Variants in CFAP100 observed in about 807,000 individuals in gnomAD.
The protein encoded by CFAP100 is cilia- and flagella-associated protein 100.
Under a neutral mutation model 81.5 loss-of-function variants are expected in CFAP100, and 70 were observed. The observed-to-expected ratio is 0.86, with a 90% CI of 0.71 to 1.05. CFAP100 has a LOEUF of 1.05. CFAP100 is among the 50% of genes least tolerant of loss of function. The pLI, the probability that CFAP100 is intolerant of heterozygous loss-of-function variation, is 0.00. For missense variants in CFAP100, 811 were observed against 776.5 expected (o/e 1.04, Z -0.53); for synonymous variants, 341 against 314.8 (o/e 1.08, Z -0.88).
intron 5 of CFAP100, chr3:126,418,234 C>T (rs2083272567): frequency 1.8e-5 from 10 of 564,130 alleles, no homozygotes; most frequent in East Asian, 3.0e-5. Flanking sequence ...GGACTTCCCA[C>T]GCGGCCGGAC....
intron 14 of CFAP100, chr3:126,433,827 T>C (rs558304145): frequency 3.4e-5 from 8 of 237,882 alleles, no homozygotes; most frequent in East Asian, 1.0e-4. Flanking sequence ...GGGGCTGTTA[T>C]CTGTTTTCTA....
At chr3:126,399,066 G>A (rs989039949) in intron 2 of CFAP100, among the ~76,000 whole-genome samples, 2 of 152,128 alleles carry the variant, frequency 1.3e-5, no homozygotes, top group Non-Finnish European at 2.9e-5. Flanking sequence ...ACACCCCACA[G>A]GAGCTCATTT....
chr3:126,412,082 G>A (rs2083166850), intron 3 of CFAP100, among the ~76,000 whole-genome samples: 1 of 152,120 alleles, frequency 6.6e-6, no homozygotes, highest in Non-Finnish European at 1.5e-5. Flanking sequence ...TCTGTGTCCT[G>A]GAGGTTTTGA....
chr3:126,425,682 T>A (rs2083394690), intron 13 of CFAP100, among the ~76,000 whole-genome samples: 1 of 152,158 alleles, frequency 6.6e-6, no homozygotes, highest in South Asian at 2.1e-4. Context: ...TATTAGCAAA[T>A]TGAATCCAAC....
Position 126,419,807 on chromosome 3 carries a change from CA to C in CFAP100, c.903del (p.Asp303ThrfsTer40). The C allele has an allele frequency of 6.2e-7, 1 of 1,613,792 alleles. No individual in the cohort carries two copies. The highest frequency in any genetic ancestry group is 8.5e-7 in the Non-Finnish European group (1 of 1,180,024). On this transcript the variant is annotated frameshift_variant, in exon 9 of 17. Coordinates refer to ENST00000352312, the MANE Select transcript of CFAP100 (RefSeq NM_182628.3). LOFTEE classifies it high-confidence loss of function. ...ASKESSVNST[P>X]GDKGPGIKGK... ...AAAGAGAGCAGTGTTAACTCCACAC[CA>C]GGGGACAAAGGTAGCAGAAAAGAGA...
intron 4 of CFAP100, among the ~76,000 whole-genome samples, chr3:126,415,118 T>G (rs2083213932): frequency 6.6e-6 from 1 of 152,064 alleles, no homozygotes; most frequent in Admixed American, 6.5e-5. Context: ...CGTTCGGTTT[T>G]CCTCTACACT....
At chr3:126,417,927 A>C (rs4544566) in intron 5 of CFAP100, 39,044 of 153,206 alleles carry the variant, frequency 0.25, 5,310 homozygotes, top group African/African-American at 0.36. Flanking sequence ...TTGGCCCCAG[A>C]CTCGCTGTCC....
At chr3:126,413,166 G>A (rs1017856349) in intron 3 of CFAP100, among the ~76,000 whole-genome samples, 4 of 152,142 alleles carry the variant, frequency 2.6e-5, no homozygotes, top group Admixed American at 2.0e-4. Flanking sequence ...GAGGTGAAGC[G>A]GGTGCCTGGC....
At chr3:126,434,567 G>A in intron 15 of CFAP100, 186 bp downstream of exon 15, 1 of 624,334 alleles carries the variant, frequency 1.6e-6, no homozygotes, top group Non-Finnish European at 2.7e-6. Flanking sequence ...GGGGTGGTTA[G>A]GGAAAGCTTC....
rs1457557044 is a variant in CFAP100 at position 126,419,960 on chromosome 3, C to A, written c.914-20C>A. On this transcript the variant is annotated intron_variant, in intron 9 of 16. Transcript: ENST00000352312. ...TGGCTGCAGCTGAGGCCATCGGGGCCCCCCCTTTGCTTCCTGCAGGACCAG... is the reference window on the plus strand; with the variant it reads ...TGGCTGCAGCTGAGGCCATCGGGGCACCCCCTTTGCTTCCTGCAGGACCAG... The A allele has an allele frequency of 1.9e-6, 3 of 1,612,846 alleles. No individual in the cohort carries two copies. The highest frequency in any genetic ancestry group is 1.3e-5 in the African/African-American group (1 of 75,066).
chr3:126,395,056 A>C (rs1230718339), intron 1 of CFAP100, 78 bp downstream of exon 1: 1 of 152,280 alleles, frequency 6.6e-6, no homozygotes, highest in East Asian at 1.9e-4. Context: ...AGGGGTGCGA[A>C]ACCAGGGCCC....
intron 2 of CFAP100, among the ~76,000 whole-genome samples, chr3:126,406,334 T>C (rs2083063316): frequency 6.6e-6 from 1 of 152,128 alleles, no homozygotes; most frequent in Non-Finnish European, 1.5e-5. Flanking sequence ...AGAAACCCTG[T>C]CTTCCCGCTC....
intron 2 of CFAP100, among the ~76,000 whole-genome samples, chr3:126,398,284 G>A (rs1472496838): frequency 2.0e-5 from 3 of 152,196 alleles, no homozygotes; most frequent in Non-Finnish European, 4.4e-5. Context: ...CACTGGGGTC[G>A]CGCGTGGACT....
intron 3 of CFAP100, 72 bp from the exon 4 acceptor site, chr3:126,414,013 G>A: frequency 8.9e-7 from 1 of 1,126,486 alleles, no homozygotes; most frequent in Non-Finnish European, 1.4e-6. Context: ...GGAAGGCAGT[G>A]GGGCCCCAGA....
At chr3:126,401,397 T>TATATA (rs2082977111) in intron 2 of CFAP100, among the ~76,000 whole-genome samples, 1 of 76,182 alleles carries the variant, frequency 1.3e-5, no homozygotes, top group African/African-American at 4.6e-5. Context: ...AAATCGTATT[T>TATATA]TATATATATA....
chr3:126,398,373 C>T (rs1409053711), intron 2 of CFAP100, among the ~76,000 whole-genome samples: 2 of 152,186 alleles, frequency 1.3e-5, no homozygotes, highest in African/African-American at 4.8e-5. Context: ...AGAGTTTGTT[C>T]CTTGAGCGGC....
intron 3 of CFAP100, among the ~76,000 whole-genome samples, chr3:126,410,215 C>G (rs114885716): frequency 6.6e-6 from 1 of 152,104 alleles, no homozygotes; most frequent in African/African-American, 2.4e-5. Context: ...AAAAAAGTTC[C>G]TAAGTTTAGT....
Position 126,396,042 on chromosome 3 carries a change from C to A in CFAP100, c.42C>A (p.Thr14=). Residue 14 remains threonine, a synonymous_variant, in exon 2 of 17, where the codon ACC becomes ACA. Transcript: ENST00000352312. ...CCACTATAGTCTCCAAGAACATGAC[C>A]AATGACAGTAAGTACCGGGCCAGGG... ...IPSTIVSKNM[T]NDKNSLESMN... 1 of 1,613,828 alleles carries A rather than the reference C, an allele frequency of 6.2e-7. No homozygotes were observed. Among genetic ancestry groups the A allele is most frequent in the Non-Finnish European group, 8.5e-7 (1 of 1,179,712 alleles).
intron 5 of CFAP100, chr3:126,416,727 A>T: frequency 2.1e-6 from 1 of 472,650 alleles, no homozygotes; most frequent in Non-Finnish European, 3.7e-6. Flanking sequence ...ATCCTAATAG[A>T]ATAGTTCCCC....
Sources: gnomAD v4.1 joint callset for allele counts (sites outside exome capture counted in the v4.1 genomes callset) on GRCh38, gnomAD v4.1.1 for gene constraint, MANE v1.5 for transcripts, NCBI Gene and HGNC (gene_info 2026-07-23, HGNC 2026-07-21) for gene names.